MAF: variants seen among roughly 807,000 people sequenced by gnomAD.
The protein encoded by MAF is MAF bZIP transcription factor.
MAF carries 10 observed loss-of-function variants against 22.0 expected under a neutral mutation model. The observed-to-expected ratio is 0.45, with a 90% CI of 0.28 to 0.77. The LOEUF (loss-of-function observed/expected upper bound fraction) is 0.77. MAF is among the 30% of genes least tolerant of loss of function. The pLI, the probability that MAF is intolerant of heterozygous loss-of-function variation, is 0.12. For synonymous variants in MAF, 337 were observed against 255.8 expected (o/e 1.32, Z -3.03); for missense variants, 544 against 548.4 (o/e 0.99, Z 0.08).
the MAF span, among the ~76,000 whole-genome samples, chr16:79,274,708 G>A: frequency 4.6e-5 from 7 of 152,272 alleles, no homozygotes; most frequent in African/African-American, 1.7e-4. Flanking sequence ...TGTACCATCA[G>A]CAGTCCTACC....
chr16:79,548,165 G>T, the MAF span, among the ~76,000 whole-genome samples: 110 of 152,018 alleles, frequency 7.2e-4, no homozygotes, highest in Middle Eastern at 3.4e-3. Context: ...TTGATTTATT[G>T]GTCAATTTCT....
the MAF span, among the ~76,000 whole-genome samples, chr16:79,513,989 C>T: frequency 6.6e-6 from 1 of 152,194 alleles, no homozygotes; most frequent in African/African-American, 2.4e-5. Flanking sequence ...CTTCCCCCCA[C>T]CCTTCCCCTC....
the MAF span, among the ~76,000 whole-genome samples, chr16:79,416,134 C>T: frequency 6.6e-6 from 1 of 152,090 alleles, no homozygotes; most frequent in Admixed American, 6.5e-5. Context: ...TAAGCTGCCA[C>T]CCGCGGCACA....
At chr16:79,508,172 G>T in the MAF span, among the ~76,000 whole-genome samples, 2 of 152,180 alleles carry the variant, frequency 1.3e-5, no homozygotes, top group Non-Finnish European at 2.9e-5. Flanking sequence ...CCACTGTGCA[G>T]GGGATAATTC....
At chr16:79,225,068 A>G in the MAF span, among the ~76,000 whole-genome samples, 5 of 152,210 alleles carry the variant, frequency 3.3e-5, no homozygotes, top group Non-Finnish European at 7.3e-5. Context: ...AATCCAAAGC[A>G]AAAAGAGCAA....
At chr16:79,562,008 T>C in the MAF span, among the ~76,000 whole-genome samples, 1 of 152,180 alleles carries the variant, frequency 6.6e-6, no homozygotes, top group African/African-American at 2.4e-5. Flanking sequence ...TCACTTATGT[T>C]TGCAAGCTCA....
chr16:79,596,507 G>GTATTT, intron 1 of MAF: 1 of 1,050,018 alleles, frequency 9.5e-7, no homozygotes. Flanking sequence ...TATTATTGTA[G>GTATTT]ATTATTCTTT....
At chr16:79,396,906 G>C in the MAF span, among the ~76,000 whole-genome samples, 39 of 152,234 alleles carry the variant, frequency 2.6e-4, no homozygotes, top group Non-Finnish European at 5.3e-4. Context: ...GGTTTTAGGA[G>C]GCCATGGCCC....
At chr16:79,254,957 G>A in the MAF span, among the ~76,000 whole-genome samples, 11 of 152,116 alleles carry the variant, frequency 7.2e-5, no homozygotes, top group Non-Finnish European at 1.5e-4. Context: ...CCAGGTCAAC[G>A]TATTCATGAG....
At chr16:79,304,871 A>G in the MAF span, among the ~76,000 whole-genome samples, 35 of 152,192 alleles carry the variant, frequency 2.3e-4, no homozygotes, top group Non-Finnish European at 3.1e-4. Flanking sequence ...TGGCAGATCA[A>G]AAGTCACATG....
At chr16:79,326,994 G>A in the MAF span, among the ~76,000 whole-genome samples, 4 of 152,302 alleles carry the variant, frequency 2.6e-5, no homozygotes, top group African/African-American at 4.8e-5. Context: ...AATTCATAAC[G>A]TCCTAGCAGC....
chr16:79,337,524 T>G, the MAF span, among the ~76,000 whole-genome samples: 59 of 152,056 alleles, frequency 3.9e-4, 1 homozygote, highest in South Asian at 0.012. Context: ...GCCAAGATCG[T>G]GCCACTACAC....
chr16:79,573,955 C>G, the MAF span, among the ~76,000 whole-genome samples: 2 of 152,150 alleles, frequency 1.3e-5, no homozygotes, highest in Non-Finnish European at 2.9e-5. Flanking sequence ...GTTCGTTTGC[C>G]TGTTTGTGTA....
chr16:79,502,637 G>C, the MAF span, among the ~76,000 whole-genome samples: 2 of 148,062 alleles, frequency 1.4e-5, no homozygotes, highest in African/African-American at 5.0e-5. Context: ...CTGCACTCCA[G>C]CCTAGGTAAC....
the MAF span, among the ~76,000 whole-genome samples, chr16:79,416,020 C>T: frequency 2.0e-5 from 3 of 152,076 alleles, no homozygotes; most frequent in South Asian, 2.1e-4. Context: ...AGCAAAGTGC[C>T]GTGTGTCTGG....
At chr16:79,336,652 A>G in the MAF span, among the ~76,000 whole-genome samples, 1 of 152,074 alleles carries the variant, frequency 6.6e-6, no homozygotes, top group Non-Finnish European at 1.5e-5. Context: ...GGAAGGTTAA[A>G]TAATTGGCCC....
the MAF span, among the ~76,000 whole-genome samples, chr16:79,248,041 A>G: frequency 6.6e-6 from 1 of 152,256 alleles, no homozygotes; most frequent in South Asian, 2.1e-4. Flanking sequence ...AACACATAAC[A>G]GTCTTTTTAT....
the MAF span, among the ~76,000 whole-genome samples, chr16:79,569,160 C>G: frequency 1.3e-5 from 2 of 152,202 alleles, no homozygotes; most frequent in East Asian, 3.9e-4. Flanking sequence ...CAGAGTTTCT[C>G]AGTCCCAGCA....
At chr16:79,390,309 G>T in the MAF span, among the ~76,000 whole-genome samples, 5 of 152,218 alleles carry the variant, frequency 3.3e-5, no homozygotes, top group Admixed American at 2.6e-4. Flanking sequence ...CACCGACAGA[G>T]ATGCTTAGGC....
Sources: gnomAD v4.1 joint callset for allele counts (sites outside exome capture counted in the v4.1 genomes callset) on GRCh38, gnomAD v4.1.1 for gene constraint, MANE v1.5 for transcripts, NCBI Gene and HGNC (gene_info 2026-07-23, HGNC 2026-07-21) for gene names.